CCDC110: variants seen among roughly 807,000 people sequenced by gnomAD.
The protein encoded by CCDC110 is coiled-coil domain-containing protein 110.
Under a neutral mutation model 77.1 loss-of-function variants are expected in CCDC110, and 70 were observed. The ratio of observed to expected loss-of-function variants is 0.91; its 90% CI spans 0.75 to 1.11. CCDC110 has a LOEUF of 1.11. Among genes scored for constraint, CCDC110 ranks in the 50% least tolerant of loss-of-function variants. The probability of loss-of-function intolerance (pLI) is 0.00; values close to 1 mark genes in which losing one functional copy is unlikely to be tolerated. For missense variants in CCDC110, 868 were observed against 942.9 expected (o/e 0.92, Z 1.04); for synonymous variants, 295 against 312.5 (o/e 0.94, Z 0.59).
intron 2 of CCDC110, among the ~76,000 whole-genome samples, chr4:185,466,668 C>A (rs1411348090): frequency 6.6e-6 from 1 of 152,000 alleles, no homozygotes; most frequent in South Asian, 2.1e-4. Context: ...CTCCAAGGCT[C>A]AAGCGATCCT....
intron 2 of CCDC110, among the ~76,000 whole-genome samples, chr4:185,465,283 A>G (rs1466071487): frequency 3.3e-5 from 5 of 152,358 alleles, no homozygotes; most frequent in East Asian, 1.9e-4. Context: ...GAGGATTTGC[A>G]AGTTCAAAGC....
intron 4 of CCDC110, among the ~76,000 whole-genome samples, chr4:185,461,715 G>A (rs72712060): frequency 0.071 from 10,826 of 152,226 alleles, 427 homozygotes; most frequent in South Asian, 0.13. Context: ...AGGGAACAGC[G>A]GCCACCTGAC....
At position 185,458,840 on chromosome 4, in the gene CCDC110, C is replaced by G. The variant is rs762998758; in HGVS notation, c.1747G>C (p.Asp583His). The G allele has an allele frequency of 3.1e-6, 5 of 1,603,576 alleles. No homozygotes were observed. In the South Asian group the frequency reaches 5.7e-5, roughly 18 times the overall value. The stretch of plus-strand genomic sequence containing the variant: ...TTTTTCTCTAACATTTCTTTTTCAT[C>G]TTGTATCAACAGAATATTGGTTTTC... ...AMKTNILLIQ[D>H]EKEMLEKKTH... The change falls in exon 6 of 7, where the codon GAT becomes CAT. Residue 583 changes from aspartate to histidine, a missense_variant. By Grantham distance (81) the Asp-to-His change is moderately conservative (BLOSUM62 -1). Coordinates refer to ENST00000307588, the MANE Select transcript of CCDC110 (RefSeq NM_152775.4).
chr4:185,471,428 G>A lies in CCDC110; in HGVS notation c.10+246C>T, dbSNP rs568194812. The stretch of plus-strand genomic sequence containing the variant: ...GCGGGGCGCGGCGCTTTCCGCAAGC[G>A]GCCACCCGAGGGCGCGCTGGGCGGG... On this transcript the variant is annotated intron_variant, in intron 1 of 6. Coordinates refer to ENST00000307588, the MANE Select transcript of CCDC110 (RefSeq NM_152775.4). 3.6e-3 allele frequency: 1,382 copies of A among 387,044 alleles called. 13 individuals are homozygous for A. The highest frequency in any genetic ancestry group is 0.028 in the African/African-American group (1,265 of 44,940). The allele number at this position is 387,044 out of a possible 1,614,324, so 24.0% of individuals were successfully genotyped here.
intron 6 of CCDC110, chr4:185,449,897 C>T (rs945358422): frequency 3.4e-6 from 1 of 295,698 alleles, no homozygotes; most frequent in Non-Finnish European, 6.2e-6. Flanking sequence ...TTTATAAAAT[C>T]CCGGAGTGCA....
At position 185,459,250 on chromosome 4, in the gene CCDC110, A is replaced by G. The variant is rs1197683726; in HGVS notation, c.1337T>C (p.Met446Thr). The stretch of plus-strand genomic sequence containing the variant: ...GTTTAGATTTTCACTCTCCAGTTCC[A>G]TTACTTTTTTCTGTATCTGCACAGA... Reference protein sequence around the residue: ...KESVQIQKKVMELESENLNLK... With the variant: ...KESVQIQKKVTELESENLNLK... The change falls in exon 6 of 7, where the codon ATG (methionine) becomes ACG (threonine). Residue 446 changes from methionine (M) to threonine (T), a missense_variant. Physicochemically the swap from Met to Thr is moderately conservative, Grantham distance 81. Coordinates refer to ENST00000307588, the MANE Select transcript of CCDC110 (RefSeq NM_152775.4). 7.4e-6 allele frequency: 12 copies of G among 1,611,752 alleles called. No homozygotes were observed. The African/African-American group carries it at 1.1e-4, about 14-fold the overall frequency.
At chr4:185,446,920 G>A (rs999394812) in intron 6 of CCDC110, among the ~76,000 whole-genome samples, 2 of 152,024 alleles carry the variant, frequency 1.3e-5, no homozygotes, top group Non-Finnish European at 2.9e-5. Flanking sequence ...TGTCTTTCTT[G>A]TTATTTTCAT....
In CCDC110 at chr4:185,471,480, C is replaced by T. The variant is rs1174137898; in HGVS notation, c.10+194G>A. On this transcript the variant is annotated intron_variant, in intron 1 of 6. Transcript: ENST00000307588. ...GGCGGCGGCAGACCACGTAGCCAGC[C>T]TGTAAGCCACAGCGGACGCAGGGGG... is the stretch of plus-strand genomic sequence containing the variant. 8.8e-6 allele frequency: 5 copies of T among 571,402 alleles called. No individual in the cohort carries two copies. The East Asian group carries it at 1.8e-4, about 20-fold the overall frequency. The allele number at this position is 571,402 out of a possible 1,614,324, so 35.4% of individuals were successfully genotyped here.
In CCDC110 at chr4:185,459,637, G is replaced by A. The variant is rs1205871134; in HGVS notation, c.950C>T (p.Ala317Val). Residue 317 changes from alanine (A) to valine (V), a missense_variant, in exon 6 of 7, where the codon GCA becomes GTA. Ala to Val is a moderately conservative substitution (Grantham distance 64). Transcript: ENST00000307588. ...IKSKRISELE[A>V]LVKKLLPFRE... ...GAAGGGGAGTAATTTCTTCACTAAT[G>A]CCTCTAATTCTGAAATTCTCTTTGA... The A allele has an allele frequency of 1.2e-6, 2 of 1,611,832 alleles. No individual in the cohort carries two copies. The highest frequency in any genetic ancestry group is 1.7e-5 in the Admixed American group (1 of 59,744).
chr4:185,457,836 T>A, intron 6 of CCDC110: 1 of 1,329,440 alleles, frequency 7.5e-7, no homozygotes, highest in Non-Finnish European at 1.0e-6. Flanking sequence ...AAAAAAGAAT[T>A]CTTTTAAGGT....
chr4:185,460,318 GT>G, intron 5 of CCDC110, 80 bp from the exon 6 acceptor site: 1 of 998,180 alleles, frequency 1.0e-6, no homozygotes, highest in Non-Finnish European at 1.4e-6. Flanking sequence ...TTTGTGGAGG[GT>G]TTATTTATGT....
In CCDC110 at chr4:185,458,408, G is replaced by A. The variant is rs1375005691; in HGVS notation, c.2179C>T (p.Gln727Ter). 6.3e-6 allele frequency: 10 copies of A among 1,593,830 alleles called. No homozygotes were observed. Among genetic ancestry groups the A allele is most frequent in the Non-Finnish European group, 8.5e-6 (10 of 1,171,758 alleles). Residue 727 changes from glutamine to a stop codon, truncating the protein, a stop_gained, in exon 6 of 7, where the codon CAA becomes TAA. Coordinates refer to ENST00000307588, the MANE Select transcript of CCDC110 (RefSeq NM_152775.4). LOFTEE classifies it high-confidence loss of function. ...CTGTTTTCAAATTTTATATTTTCTTGACTATGTTTCTTTAGTTCTTCTTTT... is the reference window on the plus strand; with the variant it reads ...CTGTTTTCAAATTTTATATTTTCTTAACTATGTTTCTTTAGTTCTTCTTTT... ...ILKEELKKHS[Q>*]ENIKFENSIS...
intron 6 of CCDC110, among the ~76,000 whole-genome samples, chr4:185,451,289 G>T (rs1246481248): frequency 1.3e-5 from 2 of 152,150 alleles, no homozygotes; most frequent in African/African-American, 4.8e-5. Flanking sequence ...CAAATACGTG[G>T]TGCTTTGCTA....
At chr4:185,465,543 G>C (rs1051173505) in intron 2 of CCDC110, among the ~76,000 whole-genome samples, 1 of 152,164 alleles carries the variant, frequency 6.6e-6, no homozygotes, top group East Asian at 1.9e-4. Context: ...GCAGGAGACA[G>C]GGGCTAGGTT....
intron 6 of CCDC110, among the ~76,000 whole-genome samples, chr4:185,453,496 A>G (rs2095631967): frequency 1.3e-5 from 2 of 151,496 alleles, no homozygotes; most frequent in African/African-American, 2.4e-5. Context: ...AGATTAACTA[A>G]TTTGTCCAAG....
intron 6 of CCDC110, 117 bp from the exon 7 acceptor site, chr4:185,445,659 C>T: frequency 1.7e-6 from 1 of 601,096 alleles, no homozygotes; most frequent in Admixed American, 3.4e-5. Flanking sequence ...GTTTTGCATA[C>T]TCTCAAAACT....
intron 6 of CCDC110, among the ~76,000 whole-genome samples, chr4:185,455,604 C>T (rs2095634863): frequency 1.3e-5 from 2 of 152,166 alleles, no homozygotes; most frequent in Admixed American, 6.5e-5. Context: ...AGAGCTTTGG[C>T]CAGGCGCGGT....
At position 185,455,206 on chromosome 4, in the gene CCDC110, T is replaced by TGTAACCATAATTTTGTAACCATA. The variant is rs1188581948; in HGVS notation, c.2461+2919_2461+2920insTATGGTTACAAAATTATGGTTAC. 1.3e-3 allele frequency among the ~76,000 whole-genome samples: 192 copies of TGTAACCATAATTTTGTAACCATA among 152,350 alleles called. 1 individual carries two copies. Among genetic ancestry groups the TGTAACCATAATTTTGTAACCATA allele is most frequent in the African/African-American group, 4.5e-3 (187 of 41,578 alleles). ...CAATGTTTTTTTAACACTAACACTC[T>TGTAACCATAATTTTGTAACCATA]ATTTTGTAACCATAATTCAAACAGT... On this transcript the variant is annotated intron_variant, in intron 6 of 6. Transcript: ENST00000307588.
At chr4:185,460,322 A>G in intron 5 of CCDC110, 84 bp from the exon 6 acceptor site, 2 of 978,272 alleles carry the variant, frequency 2.0e-6, no homozygotes, top group Non-Finnish European at 3.0e-6. Flanking sequence ...TGGAGGGTTT[A>G]TTTATGTACC....
Sources: gnomAD v4.1 joint callset for allele counts (sites outside exome capture counted in the v4.1 genomes callset) on GRCh38, gnomAD v4.1.1 for gene constraint, MANE v1.5 for transcripts, NCBI Gene and HGNC (gene_info 2026-07-23, HGNC 2026-07-21) for gene names.